RIMS2: variants seen among roughly 807,000 people sequenced by gnomAD.
The protein encoded by RIMS2 is regulating synaptic membrane exocytosis protein 2.
RIMS2 carries 59 observed loss-of-function variants against 174.4 expected under a neutral mutation model. The ratio of observed to expected loss-of-function variants is 0.34; its 90% CI spans 0.27 to 0.42. The LOEUF (loss-of-function observed/expected upper bound fraction) is 0.42. Among genes scored for constraint, RIMS2 ranks in the 10% least tolerant of loss-of-function variants. The pLI is 1.00. For synonymous variants in RIMS2, 606 were observed against 572.5 expected (o/e 1.06, Z -0.84); for missense variants, 1,620 against 1,666.3 (o/e 0.97, Z 0.48).
chr8:104,200,070 G>A (rs957687119), intron 19 of RIMS2, among the ~76,000 whole-genome samples: 1 of 152,138 alleles, frequency 6.6e-6, no homozygotes, highest in Non-Finnish European at 1.5e-5. Flanking sequence ...TTTGGCCCCA[G>A]GATATAGGAA....
At chr8:103,834,704 C>CTTTCTTTCTTTCT (rs1314737263) in intron 3 of RIMS2, among the ~76,000 whole-genome samples, 1 of 119,158 alleles carries the variant, frequency 8.4e-6, no homozygotes, top group Non-Finnish European at 1.7e-5. Context: ...TTCTTTCTTT[C>CTTTCTTTCTTTCT]TTTCTTTCTT....
At chr8:103,925,441 G>T (rs778478614) in intron 10 of RIMS2, among the ~76,000 whole-genome samples, 4 of 151,238 alleles carry the variant, frequency 2.6e-5, no homozygotes, top group Non-Finnish European at 5.9e-5. Context: ...AGGTTTTTTT[G>T]AGCTTTTATC....
chr8:104,056,318 C>T (rs199671665), intron 19 of RIMS2, among the ~76,000 whole-genome samples: 1 of 151,542 alleles, frequency 6.6e-6, no homozygotes. Context: ...GCAGGAGAAT[C>T]GCTTGAACCC....
intron 3 of RIMS2, among the ~76,000 whole-genome samples, chr8:103,868,630 G>T (rs1286445386): frequency 2.0e-5 from 3 of 151,898 alleles, no homozygotes; most frequent in Non-Finnish European, 4.4e-5. Flanking sequence ...TTTTTTCATG[G>T]TTTTTGAGAC....
At chr8:103,753,556 C>A (rs963636645) in intron 2 of RIMS2, among the ~76,000 whole-genome samples, 7 of 152,078 alleles carry the variant, frequency 4.6e-5, no homozygotes, top group Non-Finnish European at 7.4e-5. Flanking sequence ...GGCTGTGAAT[C>A]CTGGACTTTT....
intron 1 of RIMS2, among the ~76,000 whole-genome samples, chr8:103,552,830 A>C (rs901161856): frequency 1.3e-5 from 2 of 152,224 alleles, no homozygotes; most frequent in African/African-American, 4.8e-5. Flanking sequence ...ATGCAGCCAA[A>C]ACACACATGA....
intron 1 of RIMS2, among the ~76,000 whole-genome samples, chr8:103,579,596 G>C (rs1303489917): frequency 6.6e-6 from 1 of 151,786 alleles, no homozygotes; most frequent in African/African-American, 2.4e-5. Context: ...TTTTCTTTCT[G>C]TGTTCTTTAT....
At chr8:103,812,583 T>C (rs1027832707) in intron 3 of RIMS2, among the ~76,000 whole-genome samples, 15 of 152,170 alleles carry the variant, frequency 9.9e-5, no homozygotes. Flanking sequence ...GGTTTCATCA[T>C]GTTGGCCAGG....
chr8:103,737,796 G>T (rs1202826270), intron 2 of RIMS2, among the ~76,000 whole-genome samples: 1 of 152,008 alleles, frequency 6.6e-6, no homozygotes, highest in African/African-American at 2.4e-5. Flanking sequence ...TTTTTACATG[G>T]CAAGCTCATT....
At chr8:104,222,598 C>T (rs2099160577) in intron 19 of RIMS2, among the ~76,000 whole-genome samples, 1 of 152,118 alleles carries the variant, frequency 6.6e-6, no homozygotes. Context: ...CCTGGGAAAA[C>T]GAAATTAAAG....
intron 14 of RIMS2, among the ~76,000 whole-genome samples, chr8:103,953,461 A>C (rs2086082061): frequency 2.0e-5 from 3 of 152,194 alleles, no homozygotes; most frequent in African/African-American, 7.2e-5. Context: ...ATTCTTAAAG[A>C]AAGGATTTTT....
At chr8:104,134,020 T>C (rs1022178079) in intron 19 of RIMS2, among the ~76,000 whole-genome samples, 1 of 152,102 alleles carries the variant, frequency 6.6e-6, no homozygotes, top group Non-Finnish European at 1.5e-5. Flanking sequence ...TAACTTAAAT[T>C]TGGAGATTAT....
chr8:103,675,380 C>T (rs1346382480), intron 1 of RIMS2, among the ~76,000 whole-genome samples: 1 of 152,120 alleles, frequency 6.6e-6, no homozygotes, highest in African/African-American at 2.4e-5. Context: ...GAAAGTGATT[C>T]CTGTTCCATG....
At chr8:104,107,479 A>G (rs1431033687) in intron 19 of RIMS2, among the ~76,000 whole-genome samples, 3 of 152,106 alleles carry the variant, frequency 2.0e-5, no homozygotes, top group Non-Finnish European at 2.9e-5. Flanking sequence ...ACAATATTTC[A>G]TACATAGTAG....
chr8:104,074,855 C>G (rs936464306), intron 19 of RIMS2, among the ~76,000 whole-genome samples: 2 of 151,970 alleles, frequency 1.3e-5, no homozygotes, highest in African/African-American at 4.8e-5. Context: ...CAAAGAAATA[C>G]TCATTAATAG....
chr8:104,169,950 A>G (rs1262212575), intron 19 of RIMS2, among the ~76,000 whole-genome samples: 1 of 151,974 alleles, frequency 6.6e-6, no homozygotes, highest in African/African-American at 2.4e-5. Flanking sequence ...AGATTATTTA[A>G]TTTCCATGTA....
At chr8:103,761,169 C>G (rs1421754567) in intron 2 of RIMS2, among the ~76,000 whole-genome samples, 1 of 152,082 alleles carries the variant, frequency 6.6e-6, no homozygotes, top group African/African-American at 2.4e-5. Flanking sequence ...ACCCACATTA[C>G]TTCATGGAAT....
intron 3 of RIMS2, among the ~76,000 whole-genome samples, chr8:103,803,347 A>G (rs1389142722): frequency 1.3e-5 from 2 of 152,138 alleles, no homozygotes; most frequent in Non-Finnish European, 2.9e-5. Flanking sequence ...ACTTAGATTA[A>G]AGTGGTGGTT....
At chr8:104,169,879 T>C (rs1393272829) in intron 19 of RIMS2, among the ~76,000 whole-genome samples, 1 of 152,106 alleles carries the variant, frequency 6.6e-6, no homozygotes, top group African/African-American at 2.4e-5. Context: ...ATTATTATCA[T>C]TAATTTCAAG....
Sources: allele counts gnomAD v4.1 joint callset (sites outside exome capture counted in the v4.1 genomes callset), GRCh38; gene constraint gnomAD v4.1.1; transcripts MANE v1.5; gene names NCBI Gene and HGNC (gene_info 2026-07-23, HGNC 2026-07-21).